Variants in FAT3 observed in about 807,000 individuals in gnomAD.
FAT3 encodes the protein protocadherin Fat 3.
FAT3 carries 95 observed loss-of-function variants against 310.2 expected under a neutral mutation model. The observed-to-expected ratio is 0.31, with a 90% CI of 0.26 to 0.36. The LOEUF (loss-of-function observed/expected upper bound fraction) is 0.36, where lower values mean the gene tolerates loss of function less well. FAT3 is among the 10% of genes least tolerant of loss of function. The pLI is 1.00. For synonymous variants in FAT3, 2,314 were observed against 2,192.9 expected (o/e 1.06, Z -1.54); for missense variants, 5,408 against 5,715.6 (o/e 0.95, Z 1.74).
intron 3 of FAT3, among the ~76,000 whole-genome samples, chr11:92,569,725 A>C (rs755724839): frequency 1.3e-5 from 2 of 152,180 alleles, no homozygotes; most frequent in Non-Finnish European, 2.9e-5. Context: ...TGGGAACCCC[A>C]CTGCATTAAT....
chr11:92,698,921 C>G (rs988255826), intron 4 of FAT3, among the ~76,000 whole-genome samples: 4 of 152,188 alleles, frequency 2.6e-5, no homozygotes, highest in African/African-American at 9.7e-5. Context: ...AGGAGTCTGG[C>G]TGAGATCACT....
chr11:92,341,065 A>G (rs1334953162), intron 1 of FAT3, among the ~76,000 whole-genome samples: 1 of 152,156 alleles, frequency 6.6e-6, no homozygotes, highest in Admixed American at 6.5e-5. Context: ...CATCTGGTCT[A>G]TTTGTGGTTG....
chr11:92,712,984 A>T lies in FAT3; in HGVS notation c.3669+15539A>T, dbSNP rs141437042. Among the ~76,000 whole-genome samples, 7 of 152,350 alleles carry T rather than the reference A, an allele frequency of 4.6e-5. No homozygotes were observed. In the East Asian group the frequency reaches 1.3e-3, roughly 29 times the overall value. On this transcript the variant is annotated intron_variant, in intron 4 of 27. Coordinates refer to ENST00000525166, the MANE Select transcript of FAT3 (RefSeq NM_001367949.2). ...TTCCAAAGCCCAGCCCCAGCTTGCA[A>T]GCTTGAAATCAGCACTCTGACCAAT...
chr11:92,344,636 C>G (rs928902857), intron 1 of FAT3, among the ~76,000 whole-genome samples: 1 of 152,182 alleles, frequency 6.6e-6, no homozygotes, highest in African/African-American at 2.4e-5. Flanking sequence ...AGTGAATCTT[C>G]TATCCATGAA....
chr11:92,859,335 G>A lies in FAT3; in HGVS notation c.11658+13G>A. ...CATAATTCTGAAGGTAATTAAAATG[G>A]GTTATCTTTTTCTGCAGTCAGTTCT... On this transcript the variant is annotated intron_variant, in intron 21 of 27. Transcript: ENST00000525166. 6.4e-7 allele frequency: 1 copy of A among 1,565,938 alleles called. No homozygotes were observed. Among genetic ancestry groups the A allele is most frequent in the Non-Finnish European group, 8.7e-7 (1 of 1,149,800 alleles).
chr11:92,828,041 A>G (rs1313176979), intron 13 of FAT3, among the ~76,000 whole-genome samples: 13 of 152,144 alleles, frequency 8.5e-5, no homozygotes, highest in Admixed American at 8.5e-4. Flanking sequence ...AAAATGATGG[A>G]TTAATGTTAT....
At chr11:92,703,725 C>T (rs1412857315) in intron 4 of FAT3, among the ~76,000 whole-genome samples, 1 of 152,206 alleles carries the variant, frequency 6.6e-6, no homozygotes, top group Admixed American at 6.5e-5. Context: ...AAAGCTTTAT[C>T]GAATGACTGT....
At chr11:92,863,354 T>C (rs560500402) in intron 21 of FAT3, among the ~76,000 whole-genome samples, 4 of 152,196 alleles carry the variant, frequency 2.6e-5, no homozygotes, top group Non-Finnish European at 4.4e-5. Flanking sequence ...GCCAAGAATC[T>C]GAAGCAGTAA....
intron 7 of FAT3, among the ~76,000 whole-genome samples, chr11:92,776,939 A>G (rs560018391): frequency 1.3e-5 from 2 of 152,288 alleles, no homozygotes; most frequent in East Asian, 3.9e-4. Context: ...TCTCACACTT[A>G]CCACGGCTTT....
Position 92,540,376 on chromosome 11 carries a change from G to A in FAT3, c.3607+15428G>A, listed in dbSNP as rs563474747. On this transcript the variant is annotated intron_variant, in intron 3 of 27. Transcript: ENST00000525166. ...CAGAGGCTCCTCTCCTGGATTGATTGCACTGGTGAAGTGGCCATCTCTGTA... is the reference window on the plus strand; with the variant it reads ...CAGAGGCTCCTCTCCTGGATTGATTACACTGGTGAAGTGGCCATCTCTGTA... 3.9e-5 allele frequency among the ~76,000 whole-genome samples: 6 copies of A among 152,254 alleles called. No homozygotes were observed. The South Asian group carries it at 1.0e-3, about 26-fold the overall frequency.
At chr11:92,449,812 C>T (rs539498925) in intron 2 of FAT3, among the ~76,000 whole-genome samples, 30 of 152,278 alleles carry the variant, frequency 2.0e-4, no homozygotes, top group South Asian at 1.5e-3. Context: ...GAATTCAAAA[C>T]GATATTTTAT....
rs968237976 is a variant in FAT3 at position 92,225,210 on chromosome 11, C to T, written c.-18+36C>T. On this transcript the variant is annotated intron_variant, in intron 1 of 27. Transcript: ENST00000525166. ...ATTTGTAGCGTGATGATTTGGCTGC[C>T]TGGTGCACCGACTGGAGCGCGCCTG... 3.3e-5 allele frequency among the ~76,000 whole-genome samples: 5 copies of T among 152,296 alleles called. No homozygotes were observed. In the East Asian group the frequency reaches 9.7e-4, roughly 30 times the overall value.
intron 23 of FAT3, 56 bp from the exon 24 acceptor site, chr11:92,882,682 T>C (rs1481773368): frequency 1.3e-6 from 2 of 1,486,082 alleles, no homozygotes; most frequent in Non-Finnish European, 9.0e-7. Context: ...AGTTCCCGTA[T>C]ACCAACGTGT....
intron 2 of FAT3, among the ~76,000 whole-genome samples, chr11:92,516,606 C>T (rs192335337): frequency 6.6e-6 from 1 of 152,226 alleles, no homozygotes; most frequent in African/African-American, 2.4e-5. Flanking sequence ...TCTCACCACT[C>T]CTATTCAACA....
At chr11:92,678,806 T>G (rs1227559740) in intron 3 of FAT3, among the ~76,000 whole-genome samples, 1 of 152,248 alleles carries the variant, frequency 6.6e-6, no homozygotes, top group Non-Finnish European at 1.5e-5. Flanking sequence ...TTTTAACTTT[T>G]TTAAATTTGC....
chr11:92,645,725 A>C (rs1400192724), intron 3 of FAT3, among the ~76,000 whole-genome samples: 1 of 152,178 alleles, frequency 6.6e-6, no homozygotes, highest in Non-Finnish European at 1.5e-5. Context: ...TACTTTCTAT[A>C]GTTAGCGCTG....
chr11:92,672,044 G>C (rs1374050605), intron 3 of FAT3, among the ~76,000 whole-genome samples: 2 of 152,122 alleles, frequency 1.3e-5, no homozygotes, highest in Non-Finnish European at 2.9e-5. Flanking sequence ...GCTTGAACCT[G>C]GGAGGCGGAG....
chr11:92,262,873 C>CA (rs1203000766), intron 1 of FAT3, among the ~76,000 whole-genome samples: 1 of 152,006 alleles, frequency 6.6e-6, no homozygotes, highest in Non-Finnish European at 1.5e-5. Flanking sequence ...CCAGTGCTGT[C>CA]ATATAAATAA....
chr11:92,515,549 A>G lies in FAT3; in HGVS notation c.3293-9085A>G, dbSNP rs144670998. On this transcript the variant is annotated intron_variant, in intron 2 of 27. Coordinates refer to ENST00000525166, the MANE Select transcript of FAT3 (RefSeq NM_001367949.2). ...TGTATAAATATTGATTAAATAGACAATATGGTTTTTGTTAACAACTGGTCT... is the reference window on the plus strand; with the variant it reads ...TGTATAAATATTGATTAAATAGACAGTATGGTTTTTGTTAACAACTGGTCT... Among the ~76,000 whole-genome samples, 39 of 152,236 alleles carry G rather than the reference A, an allele frequency of 2.6e-4. No homozygotes were observed. The East Asian group carries it at 7.3e-3, about 29-fold the overall frequency.
Sources: allele counts gnomAD v4.1 joint callset (sites outside exome capture counted in the v4.1 genomes callset), GRCh38; gene constraint gnomAD v4.1.1; transcripts MANE v1.5; gene names NCBI Gene and HGNC (gene_info 2026-07-23, HGNC 2026-07-21).